SYNE1: variants seen among roughly 807,000 people sequenced by gnomAD.
SYNE1 encodes spectrin repeat containing nuclear envelope protein 1.
Under a neutral mutation model 1,111.0 loss-of-function variants are expected in SYNE1, and 616 were observed. That is an observed-to-expected ratio of 0.55 (90% CI 0.52 to 0.59). The LOEUF (loss-of-function observed/expected upper bound fraction) is 0.59, where lower values mean the gene tolerates loss of function less well. SYNE1 is among the 20% of genes least tolerant of loss of function. The probability of loss-of-function intolerance (pLI) is 0.00; values close to 1 mark genes in which losing one functional copy is unlikely to be tolerated. For missense variants in SYNE1, 10,006 were observed against 10,417.0 expected (o/e 0.96, Z 1.72); for synonymous variants, 3,855 against 3,825.8 (o/e 1.01, Z -0.28).
chr6:152,368,857 TG>T, intron 61 of SYNE1, 114 bp downstream of exon 61: 8 of 1,336,246 alleles, frequency 6.0e-6, no homozygotes, highest in Non-Finnish European at 8.5e-6. Flanking sequence ...ACTGCTGACC[TG>T]GAGACCCACA....
intron 3 of SYNE1, among the ~76,000 whole-genome samples, chr6:152,550,121 T>C (rs2128125734): frequency 6.6e-6 from 1 of 152,304 alleles, no homozygotes; most frequent in African/African-American, 2.4e-5. Context: ...GTGATATATC[T>C]ATTTGAAAAG....
intron 53 of SYNE1, among the ~76,000 whole-genome samples, chr6:152,389,170 C>A (rs1395436198): frequency 6.6e-6 from 1 of 152,088 alleles, no homozygotes; most frequent in African/African-American, 2.4e-5. Context: ...TTTTGTTTTG[C>A]TTTGTAATGA....
chr6:152,318,643 A>G (rs2095795552), intron 85 of SYNE1, among the ~76,000 whole-genome samples: 3 of 152,234 alleles, frequency 2.0e-5, no homozygotes, highest in African/African-American at 7.2e-5. Context: ...TCTTTCGTAC[A>G]CACTCATGCA....
Position 152,239,674 on chromosome 6 carries a change from G to C in SYNE1, c.19926C>G (p.Ile6642Met). The change falls in exon 108 of 146, where the codon ATC becomes ATG. Residue 6642 changes from isoleucine (I) to methionine (M), a missense_variant. Around this residue, in one of 7 missense-constraint regions of SYNE1, gnomAD observed 2,182 missense variants for 2,287.8 expected, o/e 0.95. Coordinates refer to ENST00000367255, the MANE Select transcript of SYNE1 (RefSeq NM_182961.4). ...TCTTTCTGAAGAGTGTTTCAGTCAA[G>C]ATCATATGAGATTCCAGGCCCTGAA... ...EYFQGLESHMILTETLFRKII... is the reference protein window; with the variant it reads ...EYFQGLESHMMLTETLFRKII... The C allele has an allele frequency of 6.2e-7, 1 of 1,614,176 alleles. No homozygotes were observed. The highest frequency in any genetic ancestry group is 1.3e-5 in the African/African-American group (1 of 75,038).
At chr6:152,595,709 C>A (rs570697310) in intron 3 of SYNE1, among the ~76,000 whole-genome samples, 2 of 152,208 alleles carry the variant, frequency 1.3e-5, no homozygotes, top group South Asian at 2.1e-4. Context: ...ATGCAATTGG[C>A]TCTACATCTG....
At chr6:152,465,190 T>C (rs2098757244) in intron 18 of SYNE1, 68 bp downstream of exon 18, 2 of 1,531,212 alleles carry the variant, frequency 1.3e-6, no homozygotes, top group Admixed American at 1.7e-5. Context: ...CCTAGTGAGC[T>C]ACGCTGTAAA....
In SYNE1 at chr6:152,376,566, G is replaced by C. The variant is rs1199691362; in HGVS notation, c.9147-8C>G. 3 of 1,613,492 alleles carry C rather than the reference G, an allele frequency of 1.9e-6. No individual in the cohort carries two copies. The highest frequency in any genetic ancestry group is 1.7e-5 in the Admixed American group (1 of 59,998). On this transcript the variant is annotated splice_polypyrimidine_tract_variant and splice_region_variant and intron_variant, in intron 57 of 145. Transcript: ENST00000367255. ...GATGCTTGCAAACAAAGACTGAAAAGGTGACGCAAAAATTTAATGGCAGGA... is the reference window on the plus strand; with the variant it reads ...GATGCTTGCAAACAAAGACTGAAAACGTGACGCAAAAATTTAATGGCAGGA...
rs117531456 is a variant in SYNE1, at chr6:152,278,754, C to T, written c.18382-474G>A. 9.3e-3 allele frequency among the ~76,000 whole-genome samples: 1,419 copies of T among 152,018 alleles called. 8 individuals carry two copies. Among genetic ancestry groups the T allele is most frequent in the Non-Finnish European group, 0.015 (993 of 67,954 alleles). On this transcript the variant is annotated intron_variant, in intron 97 of 145. Transcript: ENST00000367255. ...GGGATTACAGGAGTGAGAGCCACTG[C>T]ACCTGGCCCTTTTTTGTTTTTGTTT...
At chr6:152,406,185 G>C (rs1563766930) in intron 45 of SYNE1, among the ~76,000 whole-genome samples, 1 of 152,044 alleles carries the variant, frequency 6.6e-6, no homozygotes, top group Non-Finnish European at 1.5e-5. Context: ...AACTTTAAAA[G>C]GTCAGGGACT....
At chr6:152,531,260 T>C (rs2099199468) in intron 4 of SYNE1, among the ~76,000 whole-genome samples, 1 of 152,180 alleles carries the variant, frequency 6.6e-6, no homozygotes, top group South Asian at 2.1e-4. Flanking sequence ...AAATCTTTTA[T>C]TTGTGAAACT....
chr6:152,363,472 C>A (rs1011728325), intron 63 of SYNE1, among the ~76,000 whole-genome samples: 2 of 149,700 alleles, frequency 1.3e-5, no homozygotes, highest in South Asian at 2.1e-4. Context: ...GGAGCCTGGG[C>A]GACAGAGCAA....
intron 6 of SYNE1, among the ~76,000 whole-genome samples, chr6:152,514,428 T>C (rs773650664): frequency 2.0e-5 from 3 of 151,946 alleles, no homozygotes; most frequent in Non-Finnish European, 4.4e-5. Context: ...AGTTGAACAA[T>C]GAGAACATAT....
Position 152,409,692 on chromosome 6 carries a change from CCACAG to C in SYNE1, c.6243_6247del (p.Cys2081TrpfsTer4). The C allele has an allele frequency of 6.2e-7, 1 of 1,613,614 alleles. No individual in the cohort carries two copies. Among genetic ancestry groups the C allele is most frequent in the Non-Finnish European group, 8.5e-7 (1 of 1,179,932 alleles). On this transcript the variant is annotated frameshift_variant, in exon 43 of 146. Transcript: ENST00000367255. LOFTEE classifies it high-confidence loss of function. ...ATATTCTCTCATTAAGTCAATAAGT[CCACAG>C]CACTGACCCTGACTGTAATGATTAA... is the stretch of plus-strand genomic sequence containing the variant.
In SYNE1 at chr6:152,300,694, G is replaced by A; in HGVS notation, c.17629C>T (p.Pro5877Ser). The change falls in exon 93 of 146, where the codon CCT (proline) becomes TCT (serine). Residue 5877 changes from proline to serine, a missense_variant. Coordinates refer to ENST00000367255, the MANE Select transcript of SYNE1 (RefSeq NM_182961.4). ...ACAGGTGAAGGGGAGCGACAGGCAG[G>A]TGGAGAGGAAATCTCACTGTTGGTT... ...EGTNSEISSP[P>S]ACRSPSPVAN... The A allele has an allele frequency of 1.2e-6, 2 of 1,614,212 alleles. No individual in the cohort carries two copies. Among genetic ancestry groups the A allele is most frequent in the Non-Finnish European group, 1.7e-6 (2 of 1,180,034 alleles).
intron 130 of SYNE1, among the ~76,000 whole-genome samples, chr6:152,175,638 A>T (rs2066278423): frequency 6.6e-6 from 1 of 152,234 alleles, no homozygotes. Context: ...CAATGGAGAA[A>T]GTTTCCTGAC....
chr6:152,231,456 A>C lies in SYNE1; in HGVS notation c.20974T>G (p.Phe6992Val). Residue 6992 changes from phenylalanine (F) to valine (V), a missense_variant, in exon 114 of 146, where the codon TTT becomes GTT. Phe to Val is a conservative substitution (Grantham distance 50). This residue lies in a region of SYNE1 where 2,182 missense variants were observed against 2,287.8 expected (regional missense o/e 0.95). Coordinates refer to ENST00000367255, the MANE Select transcript of SYNE1 (RefSeq NM_182961.4). ...TTCATTGCTCCAAGTTGCTCAGCAA[A>C]ATCAGTCTTATCACTACGCTTACTT... ...VESKRSDKTD[F>V]AEQLGAMNKS... 2.5e-6 allele frequency: 4 copies of C among 1,614,130 alleles called. No homozygotes were observed. The highest frequency in any genetic ancestry group is 3.4e-6 in the Non-Finnish European group (4 of 1,180,030).
chr6:152,177,146 A>G (rs1480704724), intron 129 of SYNE1, among the ~76,000 whole-genome samples: 4 of 152,212 alleles, frequency 2.6e-5, no homozygotes, highest in Non-Finnish European at 5.9e-5. Context: ...TTAACTTTCA[A>G]TAATAATAAC....
intron 124 of SYNE1, among the ~76,000 whole-genome samples, chr6:152,211,169 C>G (rs1482417108): frequency 5.9e-5 from 9 of 152,200 alleles, no homozygotes; most frequent in Admixed American, 3.9e-4. Flanking sequence ...TTAGAAGCAT[C>G]TGTTTACAAA....
chr6:152,554,476 A>G (rs889650786), intron 3 of SYNE1, among the ~76,000 whole-genome samples: 2 of 152,190 alleles, frequency 1.3e-5, no homozygotes, highest in South Asian at 4.1e-4. Context: ...AAAGATCGAT[A>G]GTGCAAGGAC....
Sources: allele counts gnomAD v4.1 joint callset (sites outside exome capture counted in the v4.1 genomes callset), GRCh38; gene constraint gnomAD v4.1.1; regional missense constraint gnomAD v4.1.1; transcripts MANE v1.5; gene names NCBI Gene and HGNC (gene_info 2026-07-23, HGNC 2026-07-21).